The following RLF variants were observed in gnomAD, a reference collection of about 807,000 sequenced individuals.
RLF encodes zinc finger protein Rlf.
A neutral mutation model predicts 162.9 loss-of-function variants in RLF; 7 were observed. That is an observed-to-expected ratio of 0.04 (90% CI 0.02 to 0.08). The LOEUF (loss-of-function observed/expected upper bound fraction) is 0.08. Ranked by LOEUF, RLF falls within the 10% of genes least tolerant of loss-of-function variation. The probability of loss-of-function intolerance (pLI) is 1.00; values close to 1 mark genes in which losing one functional copy is unlikely to be tolerated. For missense variants in RLF, 1,664 were observed against 2,244.7 expected, an observed-to-expected ratio of 0.74 and a Z score of 5.23; for synonymous variants, 782 against 791.5, an observed-to-expected ratio of 0.99 and a Z score of 0.20.
chr1:40,187,301 A>G (rs930795724), intron 1 of RLF, among the ~76,000 whole-genome samples: 1 of 152,176 alleles, frequency 6.6e-6, no homozygotes, highest in Admixed American at 6.5e-5. Flanking sequence ...AAGTGCTGGG[A>G]TTACAGGCGT....
chr1:40,191,402 G>A (rs1381819794), intron 3 of RLF, among the ~76,000 whole-genome samples: 1 of 152,144 alleles, frequency 6.6e-6, no homozygotes, highest in African/African-American at 2.4e-5. Context: ...GCCGGGCATG[G>A]TGGCGGACAC....
At chr1:40,189,880 T>G (rs1642533527) in intron 2 of RLF, among the ~76,000 whole-genome samples, 1 of 152,212 alleles carries the variant, frequency 6.6e-6, no homozygotes, top group Non-Finnish European at 1.5e-5. Context: ...TACACCTTTA[T>G]TGTAATTTTC....
intron 5 of RLF, among the ~76,000 whole-genome samples, chr1:40,217,980 T>A (rs934853876): frequency 6.6e-6 from 1 of 152,200 alleles, no homozygotes; most frequent in Non-Finnish European, 1.5e-5. Flanking sequence ...CTGGTTATCA[T>A]TGAGTTGTAA....
chr1:40,222,821 T>C, intron 6 of RLF, 111 bp downstream of exon 6: 1 of 834,284 alleles, frequency 1.2e-6, no homozygotes, highest in Non-Finnish European at 1.9e-6. Context: ...GACCTGTGAA[T>C]AGCTTCTTGC....
chr1:40,238,375 G>A lies in RLF; in HGVS notation c.3673G>A (p.Gly1225Ser). ...EGPCSVDRLK[G>S]DCSAELGGDP... is the part of the protein sequence containing the mutation. ...CCCATGTTCAGTAGATAGGTTGAAAGGTGATTGTTCTGCAGAACTTGGAGG... is the reference window on the plus strand; with the variant it reads ...CCCATGTTCAGTAGATAGGTTGAAAAGTGATTGTTCTGCAGAACTTGGAGG... Residue 1225 changes from glycine (G) to serine (S), a missense_variant, in exon 8 of 8, where the codon GGT (glycine) becomes AGT (serine). By Grantham distance (56) the Gly-to-Ser change is moderately conservative (BLOSUM62 0). Coordinates refer to ENST00000372771, the MANE Select transcript of RLF (RefSeq NM_012421.4). This position sits in a 1 kb window ranked among gnomAD's most constrained non-coding sequence, Gnocchi z 5.2. 1 of 1,614,164 alleles carries A rather than the reference G, an allele frequency of 6.2e-7. No homozygotes were observed. Among genetic ancestry groups the A allele is most frequent in the Non-Finnish European group, 8.5e-7 (1 of 1,180,024 alleles).
Position 40,237,287 on chromosome 1 carries a change from A to G in RLF, c.2585A>G (p.Asp862Gly), listed in dbSNP as rs774056372. The G allele has an allele frequency of 1.9e-6, 3 of 1,614,148 alleles. No individual in the cohort carries two copies. Among genetic ancestry groups the G allele is most frequent in the South Asian group, 2.2e-5 (2 of 91,078 alleles). Residue 862 changes from aspartate to glycine, a missense_variant, in exon 8 of 8, where the codon GAT becomes GGT. Transcript: ENST00000372771. This position sits in a 1 kb window ranked among gnomAD's most constrained non-coding sequence, Gnocchi z 4.4. ...CAGCCCCATCTACTTAACCAAACTG[A>G]TAAATCACATTTACCTGAAGATCTT... ...INQPHLLNQTDKSHLPEDLFC... is the reference protein window; with the variant it reads ...INQPHLLNQTGKSHLPEDLFC...
chr1:40,237,700 G>C lies in RLF; in HGVS notation c.2998G>C (p.Glu1000Gln), dbSNP rs1417051855. ...TKDLFPSLGN[E>Q]HNQTTEKLDA... is the part of the protein sequence containing the mutation. ...AGATCTGTTTCCCTCTTTGGGTAAT[G>C]AACATAATCAGACAACTGAAAAGTT... is the stretch of plus-strand genomic sequence containing the variant. Residue 1000 changes from glutamate (E) to glutamine (Q), a missense_variant, in exon 8 of 8, where the codon GAA becomes CAA. Physicochemically the swap from Glu to Gln is conservative, Grantham distance 29. This residue lies in a region of RLF where 295 missense variants were observed against 317.4 expected (regional missense o/e 0.93). Transcript: ENST00000372771. This position sits in a 1 kb window ranked among gnomAD's most constrained non-coding sequence, Gnocchi z 4.4. 10 of 1,613,962 alleles carry C rather than the reference G, an allele frequency of 6.2e-6. No homozygotes were observed. The highest frequency in any genetic ancestry group is 8.5e-6 in the Non-Finnish European group (10 of 1,179,982).
At position 40,238,516 on chromosome 1, in the gene RLF, T is replaced by G. The variant is rs772981355; in HGVS notation, c.3814T>G (p.Ser1272Ala). ...EETESKTSDI[S>A]SPIGSHREEQ... The stretch of plus-strand genomic sequence containing the variant: ...AACAGAAAGTAAAACATCTGACATT[T>G]CATCACCAATAGGCAGCCATAGAGA... The change falls in exon 8 of 8, where the codon TCA becomes GCA. Residue 1272 changes from serine to alanine, a missense_variant. Physicochemically the swap from Ser to Ala is moderately conservative, Grantham distance 99. Around this residue, in one of 15 missense-constraint regions of RLF, gnomAD observed 102 missense variants for 109.5 expected, o/e 0.93. Transcript: ENST00000372771. The surrounding 1 kb of genome is among the most constrained non-coding windows in gnomAD (Gnocchi z 5.2). The G allele has an allele frequency of 1.2e-6, 2 of 1,613,886 alleles. No homozygotes were observed. The highest frequency in any genetic ancestry group is 1.3e-5 in the African/African-American group (1 of 75,032).
rs761582149 is a variant in RLF at position 40,222,986 on chromosome 1, CTG to C, written c.947+280_947+281del. On this transcript the variant is annotated intron_variant, in intron 6 of 7. Transcript: ENST00000372771. ...AAAATTTTGTCAATATGAAACAAACCTGTGTTAGTTAGATTGTTTTTCTTTTC... is the reference window on the plus strand; with the variant it reads ...AAAATTTTGTCAATATGAAACAAACCTGTTAGTTAGATTGTTTTTCTTTTC... Among the ~76,000 whole-genome samples the C allele has an allele frequency of 2.0e-4, 30 of 150,540 alleles. No individual in the cohort carries two copies. The Middle Eastern group carries it at 0.017, about 85-fold the overall frequency.
intron 1 of RLF, among the ~76,000 whole-genome samples, chr1:40,168,399 C>T (rs1642195309): frequency 6.6e-6 from 1 of 152,108 alleles, no homozygotes; most frequent in African/African-American, 2.4e-5. Flanking sequence ...GTGTGTGCCA[C>T]CACGCCCAGC....
At chr1:40,172,430 A>T (rs1642258252) in intron 1 of RLF, among the ~76,000 whole-genome samples, 1 of 152,218 alleles carries the variant, frequency 6.6e-6, no homozygotes, top group Non-Finnish European at 1.5e-5. Flanking sequence ...GTGTCCCATG[A>T]ACTTCCTTAA....
intron 2 of RLF, among the ~76,000 whole-genome samples, 161 bp from the exon 3 acceptor site, chr1:40,190,611 T>G (rs1396416236): frequency 1.3e-5 from 2 of 152,172 alleles, no homozygotes; most frequent in African/African-American, 4.8e-5. Flanking sequence ...TTCCTCCTTT[T>G]TAAATTGAAC....
At chr1:40,168,071 TG>T (rs1642190931) in intron 1 of RLF, among the ~76,000 whole-genome samples, 1 of 149,812 alleles carries the variant, frequency 6.7e-6, no homozygotes, top group African/African-American at 2.5e-5. Context: ...ATTAGCCAGG[TG>T]TGGTAATATT....
chr1:40,164,892 ATAAG>A (rs770318384), intron 1 of RLF, among the ~76,000 whole-genome samples: 2 of 152,138 alleles, frequency 1.3e-5, no homozygotes, highest in Non-Finnish European at 2.9e-5. Context: ...GATGGCTAAA[ATAAG>A]TAAGTACTCC....
intron 1 of RLF, among the ~76,000 whole-genome samples, chr1:40,185,113 A>C (rs865905643): frequency 6.6e-6 from 1 of 151,940 alleles, no homozygotes; most frequent in Admixed American, 6.6e-5. Flanking sequence ...ATGGTGATGC[A>C]CTTCTCCAGT....
chr1:40,229,656 T>G (rs915413679), intron 6 of RLF, among the ~76,000 whole-genome samples: 8 of 151,534 alleles, frequency 5.3e-5, no homozygotes, highest in African/African-American at 1.9e-4. Context: ...GGTTTCACCA[T>G]GTTGGCCAGG....
intron 5 of RLF, among the ~76,000 whole-genome samples, chr1:40,207,181 G>A (rs1642808218): frequency 6.6e-6 from 1 of 152,190 alleles, no homozygotes; most frequent in Admixed American, 6.5e-5. Context: ...CTAGAAGAAT[G>A]CTTAGCCATG....
At chr1:40,229,784 A>G (rs1176630821) in intron 6 of RLF, among the ~76,000 whole-genome samples, 1 of 151,958 alleles carries the variant, frequency 6.6e-6, no homozygotes, top group Non-Finnish European at 1.5e-5. Flanking sequence ...CCATATATTC[A>G]TTTCAATCTT....
intron 4 of RLF, 73 bp downstream of exon 4, chr1:40,195,837 G>C: frequency 6.9e-7 from 1 of 1,445,934 alleles, no homozygotes; most frequent in African/African-American, 1.4e-5. Flanking sequence ...TTAAAATTTT[G>C]GGAATTTAAC....
Sources: gnomAD v4.1 joint callset for allele counts (sites outside exome capture counted in the v4.1 genomes callset) on GRCh38, gnomAD v4.1.1 for gene constraint, gnomAD v4.1.1 regional missense constraint, Gnocchi (gnomAD v3.1) non-coding constraint, MANE v1.5 for transcripts, NCBI Gene and HGNC (gene_info 2026-07-23, HGNC 2026-07-21) for gene names.